CAB39: variants seen among roughly 807,000 people sequenced by gnomAD.
The protein encoded by CAB39 is calcium binding protein 39.
A neutral mutation model predicts 40.0 loss-of-function variants in CAB39; 8 were observed. The observed-to-expected ratio is 0.20, with a 90% CI of 0.12 to 0.36. The LOEUF is 0.36. Ranked by LOEUF, CAB39 falls within the 10% of genes least tolerant of loss-of-function variation. The pLI is 1.00. For missense variants in CAB39, 270 were observed against 401.1 expected (o/e 0.67, Z 2.79); for synonymous variants, 156 against 141.6 (o/e 1.10, Z -0.72).
In CAB39 at chr2:230,725,690, G is replaced by A. The variant is rs536961755; in HGVS notation, c.-44+12460G>A. Among the ~76,000 whole-genome samples, 151 of 152,248 alleles carry A rather than the reference G, an allele frequency of 9.9e-4. 1 individual carries two copies. The highest frequency in any genetic ancestry group is 1.6e-3 in the Admixed American group (25 of 15,294). On this transcript the variant is annotated intron_variant, in intron 1 of 8. Coordinates refer to ENST00000258418, the MANE Select transcript of CAB39 (RefSeq NM_016289.4). ...GATACTGGAATGTAGAATCATCCTG[G>A]AACATAGGACATTTCTGATACAGAA... is the stretch of plus-strand genomic sequence containing the variant.
chr2:230,765,207 T>G (rs1004975310), intron 2 of CAB39, among the ~76,000 whole-genome samples: 1 of 152,196 alleles, frequency 6.6e-6, no homozygotes, highest in Non-Finnish European at 1.5e-5. Flanking sequence ...GCCAGGATGG[T>G]CTCGATCTCC....
intron 2 of CAB39, among the ~76,000 whole-genome samples, chr2:230,775,295 G>A (rs2124936922): frequency 6.6e-6 from 1 of 151,556 alleles, no homozygotes; most frequent in South Asian, 2.1e-4. Flanking sequence ...GAGTGTAGTG[G>A]TGTGATCTCG....
At chr2:230,756,661 GTTTATTTATTTATTTA>G (rs577181012) in intron 1 of CAB39, among the ~76,000 whole-genome samples, 106 of 95,396 alleles carry the variant, frequency 1.1e-3, no homozygotes, top group Non-Finnish European at 1.6e-3. Flanking sequence ...CTAACTGTTT[GTTTATTTATTTATTTA>G]TTTATTTATT....
intron 2 of CAB39, among the ~76,000 whole-genome samples, chr2:230,761,388 A>AAT (rs1695288032): frequency 3.3e-5 from 5 of 152,198 alleles, no homozygotes; most frequent in Admixed American, 3.3e-4. Flanking sequence ...AACTGTAAAA[A>AAT]ATATGACATA....
intron 4 of CAB39, among the ~76,000 whole-genome samples, chr2:230,793,669 T>C (rs1466345908): frequency 6.6e-6 from 1 of 152,216 alleles, no homozygotes; most frequent in Non-Finnish European, 1.5e-5. Context: ...AGTTAAGTTA[T>C]ATATTGAAAG....
intron 2 of CAB39, among the ~76,000 whole-genome samples, chr2:230,784,423 T>C (rs1477242150): frequency 6.6e-6 from 1 of 152,208 alleles, no homozygotes; most frequent in Non-Finnish European, 1.5e-5. Flanking sequence ...ATGAGGCATC[T>C]GCATTTAACT....
Position 230,819,763 on chromosome 2 carries a change from C to G in CAB39, c.*1059C>G, listed in dbSNP as rs1696474272. 1 of 152,296 alleles carries G rather than the reference C, an allele frequency of 6.6e-6. No individual in the cohort carries two copies. Among genetic ancestry groups the G allele is most frequent in the Non-Finnish European group, 1.5e-5 (1 of 68,046 alleles). 9.4% of individuals were successfully genotyped at this position (152,296 alleles called of 1,614,324 possible). ...CTGGAGCTCAGTCAGCCACACCTTC[C>G]TGCATCCTATTGGCCTTATTCATTT... On this transcript the variant is annotated 3_prime_UTR_variant, in exon 9 of 9. Coordinates refer to ENST00000258418, the MANE Select transcript of CAB39 (RefSeq NM_016289.4).
chr2:230,802,913 C>A (rs1481871036), intron 5 of CAB39, among the ~76,000 whole-genome samples: 1 of 152,140 alleles, frequency 6.6e-6, no homozygotes, highest in African/African-American at 2.4e-5. Flanking sequence ...TTTTATGAGG[C>A]CAGCATCATC....
At chr2:230,769,758 C>G (rs1207204572) in intron 2 of CAB39, among the ~76,000 whole-genome samples, 1 of 151,414 alleles carries the variant, frequency 6.6e-6, no homozygotes, top group Non-Finnish European at 1.5e-5. Context: ...GCAGGCAAAT[C>G]ACTTGAGCTC....
chr2:230,766,063 C>T (rs1695380709), intron 2 of CAB39, among the ~76,000 whole-genome samples: 1 of 152,024 alleles, frequency 6.6e-6, no homozygotes, highest in Admixed American at 6.5e-5. Context: ...TATCAGGATT[C>T]GAAAGGAAGT....
intron 6 of CAB39, among the ~76,000 whole-genome samples, chr2:230,811,679 T>C (rs1233991082): frequency 6.6e-6 from 1 of 152,220 alleles, no homozygotes; most frequent in African/African-American, 2.4e-5. Flanking sequence ...AGTACCTGTC[T>C]ACTGGGATCA....
chr2:230,756,686 T>G (rs1482253116), intron 1 of CAB39, among the ~76,000 whole-genome samples: 1 of 151,546 alleles, frequency 6.6e-6, no homozygotes, highest in Non-Finnish European at 1.5e-5. Flanking sequence ...TATTTATTTA[T>G]TTATTTATTT....
At chr2:230,772,982 T>TAAAAAAAAAAAAAAAAAAAAAA (rs10713369) in intron 2 of CAB39, among the ~76,000 whole-genome samples, 1 of 115,084 alleles carries the variant, frequency 8.7e-6, no homozygotes, top group Non-Finnish European at 1.9e-5. Flanking sequence ...TACTCAGCAA[T>TAAAAAAAAAAAAAAAAAAAAAA]AAAAAAAAAA....
At chr2:230,727,451 A>T (rs1459423984) in intron 1 of CAB39, among the ~76,000 whole-genome samples, 1 of 120,110 alleles carries the variant, frequency 8.3e-6, no homozygotes, top group Admixed American at 1.1e-4. Context: ...GTCTTGCTCT[A>T]TCACCCACGC....
chr2:230,788,892 T>C (rs1206489348), intron 2 of CAB39, among the ~76,000 whole-genome samples: 2 of 152,214 alleles, frequency 1.3e-5, no homozygotes, highest in Admixed American at 6.5e-5. Flanking sequence ...TTGTTTCTCA[T>C]GCTTGGGATT....
intron 2 of CAB39, among the ~76,000 whole-genome samples, chr2:230,776,104 G>C (rs1311324702): frequency 6.6e-6 from 1 of 152,158 alleles, no homozygotes; most frequent in Non-Finnish European, 1.5e-5. Context: ...AGTTCAGTGT[G>C]ACTTTAAGAG....
At chr2:230,762,402 CACAGTTGG>C (rs1265442488) in intron 2 of CAB39, among the ~76,000 whole-genome samples, 1 of 152,218 alleles carries the variant, frequency 6.6e-6, no homozygotes, top group Non-Finnish European at 1.5e-5. Context: ...ACCTCCCTCT[CACAGTTGG>C]ACATCTTCAA....
chr2:230,785,745 A>G (rs1260181297), intron 2 of CAB39, among the ~76,000 whole-genome samples: 1 of 151,822 alleles, frequency 6.6e-6, no homozygotes, highest in African/African-American at 2.4e-5. Flanking sequence ...CCCAAGCTGG[A>G]GTGCAGTGGT....
intron 1 of CAB39, among the ~76,000 whole-genome samples, chr2:230,745,250 G>A (rs1232839907): frequency 6.6e-6 from 1 of 152,170 alleles, no homozygotes; most frequent in Non-Finnish European, 1.5e-5. Context: ...TTTTAGGATC[G>A]TGGAGAATGT....
Sources: allele counts gnomAD v4.1 joint callset (sites outside exome capture counted in the v4.1 genomes callset), GRCh38; gene constraint gnomAD v4.1.1; transcripts MANE v1.5; gene names NCBI Gene and HGNC (gene_info 2026-07-23, HGNC 2026-07-21).